The following SUPT3H variants were observed in gnomAD, a reference collection of about 807,000 sequenced individuals.
SUPT3H encodes transcription initiation protein SPT3 homolog.
In SUPT3H, 44 loss-of-function variants were observed where a neutral mutation model predicts 44.3. The ratio of observed to expected loss-of-function variants is 0.99; its 90% CI spans 0.78 to 1.28. The LOEUF is 1.28. Ranked by LOEUF, SUPT3H falls within the 50% of genes most tolerant of loss-of-function variation. The probability of loss-of-function intolerance (pLI) is 0.00; values close to 1 mark genes in which losing one functional copy is unlikely to be tolerated. For missense variants in SUPT3H, 380 were observed against 387.1 expected, an observed-to-expected ratio of 0.98 and a Z score of 0.15; for synonymous variants, 124 against 125.6, an observed-to-expected ratio of 0.99 and a Z score of 0.09.
chr6:45,306,028 A>C (rs1007881554), intron 2 of SUPT3H, among the ~76,000 whole-genome samples: 3 of 152,238 alleles, frequency 2.0e-5, no homozygotes, highest in African/African-American at 7.2e-5. Flanking sequence ...ATGTGTTCAC[A>C]AGCCTCCAGG....
intron 10 of SUPT3H, among the ~76,000 whole-genome samples, chr6:44,866,464 T>C (rs1775523596): frequency 6.6e-6 from 1 of 151,844 alleles, no homozygotes; most frequent in African/African-American, 2.4e-5. Context: ...AGGTAATATA[T>C]ATATATATTG....
intron 2 of SUPT3H, among the ~76,000 whole-genome samples, chr6:45,164,627 T>C (rs1175856031): frequency 6.6e-6 from 1 of 152,110 alleles, no homozygotes; most frequent in Non-Finnish European, 1.5e-5. Flanking sequence ...GCCTCAGTAC[T>C]TCTCAAAGTT....
rs76777034 is a variant in SUPT3H at position 45,273,890 on chromosome 6, C to T, written c.101+91311G>A. 4.9e-3 allele frequency among the ~76,000 whole-genome samples: 739 copies of T among 152,302 alleles called. 14 individuals carry two copies. The highest frequency in any genetic ancestry group is 0.046 in the East Asian group (236 of 5,182). On this transcript the variant is annotated intron_variant, in intron 2 of 10. Transcript: ENST00000371459. Reference sequence around the variant, plus strand: ...ATTCATTTAACCTCTAGAAAAACTGCTAAAAATGTTTTCCAAACTAGCCAC... The same window carrying T: ...ATTCATTTAACCTCTAGAAAAACTGTTAAAAATGTTTTCCAAACTAGCCAC...
At chr6:45,111,130 T>C (rs1799995546) in intron 2 of SUPT3H, among the ~76,000 whole-genome samples, 1 of 151,612 alleles carries the variant, frequency 6.6e-6, no homozygotes, top group Non-Finnish European at 1.5e-5. Context: ...CCTCCCGGCT[T>C]CAAGCAACTG....
At chr6:45,058,099 T>C (rs7758031) in intron 3 of SUPT3H, among the ~76,000 whole-genome samples, 55,354 of 151,998 alleles carry the variant, frequency 0.36, 10,726 homozygotes, top group Non-Finnish European at 0.43. Flanking sequence ...TTAACTTTAA[T>C]GTGCATTAGT....
chr6:44,864,278 A>G (rs750933930), intron 10 of SUPT3H, among the ~76,000 whole-genome samples: 4 of 152,228 alleles, frequency 2.6e-5, no homozygotes, highest in Non-Finnish European at 5.9e-5. Flanking sequence ...AGCCATTCCA[A>G]ATGGTAGAAA....
At chr6:44,936,407 G>A (rs1371061863) in intron 9 of SUPT3H, among the ~76,000 whole-genome samples, 1 of 152,150 alleles carries the variant, frequency 6.6e-6, no homozygotes, top group Non-Finnish European at 1.5e-5. Flanking sequence ...ATAGATTAGA[G>A]TGGTAAAGTT....
intron 10 of SUPT3H, among the ~76,000 whole-genome samples, chr6:44,853,875 G>A (rs1260763030): frequency 6.6e-6 from 1 of 151,690 alleles, no homozygotes; most frequent in Non-Finnish European, 1.5e-5. Context: ...TACTTTACTA[G>A]TGGAAATTTC....
chr6:45,236,061 A>G (rs191801847), intron 2 of SUPT3H, among the ~76,000 whole-genome samples: 30 of 152,292 alleles, frequency 2.0e-4, no homozygotes, highest in Non-Finnish European at 4.0e-4. Flanking sequence ...TATAGAAACA[A>G]TGTTTATCAC....
intron 10 of SUPT3H, among the ~76,000 whole-genome samples, chr6:44,912,893 C>T (rs192870994): frequency 6.6e-6 from 1 of 152,288 alleles, no homozygotes; most frequent in East Asian, 1.9e-4. Flanking sequence ...CCCCTTCTCT[C>T]TTCTCCAGTG....
intron 3 of SUPT3H, among the ~76,000 whole-genome samples, chr6:45,041,034 C>T (rs147822742): frequency 1.9e-3 from 287 of 152,222 alleles, no homozygotes; most frequent in African/African-American, 6.5e-3. Context: ...GTTTTCAATT[C>T]GTTTTCATTC....
intron 10 of SUPT3H, among the ~76,000 whole-genome samples, chr6:44,876,756 G>A (rs1475441632): frequency 8.3e-6 from 1 of 120,938 alleles, no homozygotes; most frequent in East Asian, 2.3e-4. Flanking sequence ...TGAGATGAAT[G>A]AAAATGAAAA....
chr6:44,962,644 A>G (rs572074683), intron 6 of SUPT3H, among the ~76,000 whole-genome samples: 4 of 152,064 alleles, frequency 2.6e-5, no homozygotes, highest in East Asian at 1.9e-4. Context: ...GTCAGAGCAC[A>G]TAAGTACCAT....
At chr6:45,356,183 A>T (rs1376191257) in intron 2 of SUPT3H, among the ~76,000 whole-genome samples, 4 of 152,020 alleles carry the variant, frequency 2.6e-5, no homozygotes, top group Non-Finnish European at 5.9e-5. Flanking sequence ...CTACAACAAC[A>T]TTTTTTTCAA....
At chr6:45,191,857 C>T (rs147599062) in intron 2 of SUPT3H, among the ~76,000 whole-genome samples, 41 of 152,230 alleles carry the variant, frequency 2.7e-4, no homozygotes, top group African/African-American at 9.6e-4. Flanking sequence ...TATCCCAGCA[C>T]TTCCAGTGTC....
intron 7 of SUPT3H, among the ~76,000 whole-genome samples, chr6:44,960,766 T>C (rs1562141852): frequency 6.6e-6 from 1 of 152,122 alleles, no homozygotes. Flanking sequence ...TTCACAGATG[T>C]ATGATGCCAA....
intron 2 of SUPT3H, among the ~76,000 whole-genome samples, chr6:45,237,052 G>C (rs536247927): frequency 6.6e-6 from 1 of 152,294 alleles, no homozygotes. Context: ...AGAGCGTATA[G>C]CACAACTCCT....
At chr6:45,111,452 G>A (rs1562480888) in intron 2 of SUPT3H, among the ~76,000 whole-genome samples, 1 of 151,862 alleles carries the variant, frequency 6.6e-6, no homozygotes, top group African/African-American at 2.4e-5. Flanking sequence ...TGGGATTGAG[G>A]GGTTTTCCAA....
chr6:44,868,270 T>C (rs1209492149), intron 10 of SUPT3H, among the ~76,000 whole-genome samples: 2 of 152,184 alleles, frequency 1.3e-5, no homozygotes, highest in African/African-American at 4.8e-5. Context: ...AATGTTTGCT[T>C]TGAAGTAGGT....
Sources: gnomAD v4.1 joint callset for allele counts (sites outside exome capture counted in the v4.1 genomes callset) on GRCh38, gnomAD v4.1.1 for gene constraint, MANE v1.5 for transcripts, NCBI Gene and HGNC (gene_info 2026-07-23, HGNC 2026-07-21) for gene names.